Variants in ERBB4 observed in about 807,000 individuals in gnomAD.
The protein encoded by ERBB4 is erb-b2 receptor tyrosine kinase 4.
Under a neutral mutation model 158.0 loss-of-function variants are expected in ERBB4, and 42 were observed. That is an observed-to-expected ratio of 0.27 (90% CI 0.21 to 0.34). ERBB4 has a LOEUF of 0.34. ERBB4 is among the 10% of genes least tolerant of loss of function. The pLI, the probability that ERBB4 is intolerant of heterozygous loss-of-function variation, is 1.00. For missense variants in ERBB4, 1,333 were observed against 1,624.1 expected (o/e 0.82, Z 3.08); for synonymous variants, 583 against 558.7 (o/e 1.04, Z -0.61).
chr2:211,442,574 C>T, intron 20 of ERBB4, among the ~76,000 whole-genome samples: 1 of 151,962 alleles, frequency 6.6e-6, no homozygotes, highest in East Asian at 1.9e-4. Flanking sequence ...CCAATGCTAA[C>T]AGTTTCATGT....
intron 20 of ERBB4, among the ~76,000 whole-genome samples, chr2:211,498,597 A>C (rs770925308): frequency 6.6e-6 from 1 of 152,068 alleles, no homozygotes; most frequent in Non-Finnish European, 1.5e-5. Flanking sequence ...CCATTTTTTC[A>C]AACATCATAA....
chr2:211,969,893 T>G (rs918631711), intron 2 of ERBB4, among the ~76,000 whole-genome samples: 1 of 152,108 alleles, frequency 6.6e-6, no homozygotes, highest in Non-Finnish European at 1.5e-5. Flanking sequence ...CTCCTCCAGT[T>G]CAGTTCTGAT....
At chr2:211,748,565 G>C (rs2075039367) in intron 5 of ERBB4, among the ~76,000 whole-genome samples, 2 of 152,182 alleles carry the variant, frequency 1.3e-5, no homozygotes, top group African/African-American at 4.8e-5. Flanking sequence ...TCCTCCCTCA[G>C]ATCTATGGTG....
intron 1 of ERBB4, among the ~76,000 whole-genome samples, chr2:212,126,416 T>C (rs2125575377): frequency 7.5e-6 from 1 of 132,746 alleles, no homozygotes; most frequent in South Asian, 2.4e-4. Context: ...GCCAAGATCA[T>C]GCCACTGCAC....
intron 1 of ERBB4, among the ~76,000 whole-genome samples, chr2:212,364,899 CTGTGTGTGTGTGTGAGTGTGTGTGTG>C (rs1033361873): frequency 9.7e-5 from 13 of 134,588 alleles, no homozygotes; most frequent in Non-Finnish European, 1.8e-4. Flanking sequence ...GTGTGTGCGT[CTGTGTGTGTGTGTGAGTGTGTGTGTG>C]TGTGTGTGTG....
At chr2:212,368,874 C>CTACT (rs1560131143) in intron 1 of ERBB4, among the ~76,000 whole-genome samples, 1 of 152,098 alleles carries the variant, frequency 6.6e-6, no homozygotes, top group African/African-American at 2.4e-5. Flanking sequence ...CTATTAATAG[C>CTACT]ACCGTAGGTC....
chr2:211,712,098 C>G lies in ERBB4; in HGVS notation c.1076G>C (p.Cys359Ser). 6.2e-7 allele frequency: 1 copy of G among 1,611,860 alleles called. No individual in the cohort carries two copies. The highest frequency in any genetic ancestry group is 1.1e-5 in the South Asian group (1 of 91,034). Residue 359 changes from cysteine (C) to serine (S), a missense_variant, in exon 9 of 28, where the codon TGT (cysteine) becomes TCT (serine). By Grantham distance (112) the Cys-to-Ser change is moderately radical. Transcript: ENST00000342788. The part of the protein sequence containing the change: ...DSSNIDKFIN[C>S]TKINGNLIFL... ...GATCAAATTCCCATTGATCTTGGTA[C>G]AGTTTATGAATTTGTCAATGTTACT...
intron 2 of ERBB4, among the ~76,000 whole-genome samples, chr2:212,017,505 G>T (rs1041692862): frequency 2.6e-5 from 4 of 152,112 alleles, no homozygotes. Context: ...CTTATTCAGA[G>T]ACACTATGCA....
chr2:212,502,651 G>A (rs1290096130), intron 1 of ERBB4, among the ~76,000 whole-genome samples: 1 of 152,156 alleles, frequency 6.6e-6, no homozygotes, highest in African/African-American at 2.4e-5. Flanking sequence ...TTCTCTTAGA[G>A]TTGGGTATGT....
chr2:212,120,047 G>C (rs2079699557), intron 2 of ERBB4, among the ~76,000 whole-genome samples: 1 of 152,116 alleles, frequency 6.6e-6, no homozygotes, highest in Admixed American at 6.5e-5. Context: ...AGTTGCAAGA[G>C]TAGAGGTGGA....
At chr2:212,153,833 T>C (rs1373881686) in intron 1 of ERBB4, among the ~76,000 whole-genome samples, 1 of 152,178 alleles carries the variant, frequency 6.6e-6, no homozygotes, top group Non-Finnish European at 1.5e-5. Flanking sequence ...ATGTTATATA[T>C]GAAACCTCAC....
chr2:212,210,651 C>T (rs2082906566), intron 1 of ERBB4, among the ~76,000 whole-genome samples: 1 of 152,018 alleles, frequency 6.6e-6, no homozygotes, highest in Non-Finnish European at 1.5e-5. Flanking sequence ...ATTTTGGTGT[C>T]ATTTTGATGC....
At chr2:211,639,494 A>G (rs1257105580) in intron 16 of ERBB4, among the ~76,000 whole-genome samples, 1 of 152,216 alleles carries the variant, frequency 6.6e-6, no homozygotes, top group East Asian at 1.9e-4. Context: ...GGGATAAATC[A>G]TGGCTGGCAC....
chr2:211,966,675 G>T (rs2081319590), intron 2 of ERBB4, among the ~76,000 whole-genome samples: 1 of 152,062 alleles, frequency 6.6e-6, no homozygotes, highest in South Asian at 2.1e-4. Flanking sequence ...TTATTTTTAA[G>T]TCTATATATT....
intron 2 of ERBB4, among the ~76,000 whole-genome samples, chr2:212,068,296 C>T (rs1040468011): frequency 6.6e-6 from 1 of 151,984 alleles, no homozygotes; most frequent in Non-Finnish European, 1.5e-5. Context: ...TACTGATGCT[C>T]TAAGTGCTGG....
intron 1 of ERBB4, among the ~76,000 whole-genome samples, chr2:212,211,767 C>T (rs2082943056): frequency 6.6e-6 from 1 of 151,946 alleles, no homozygotes; most frequent in South Asian, 2.1e-4. Flanking sequence ...TGTATTGTTC[C>T]CCCTCTCTGT....
intron 16 of ERBB4, among the ~76,000 whole-genome samples, chr2:211,638,787 T>C (rs990029534): frequency 1.3e-5 from 2 of 152,196 alleles, no homozygotes; most frequent in African/African-American, 4.8e-5. Flanking sequence ...GATCCTTTTA[T>C]ATCTAGATCA....
intron 1 of ERBB4, among the ~76,000 whole-genome samples, chr2:212,412,543 C>T (rs2091528514): frequency 6.6e-6 from 1 of 152,170 alleles, no homozygotes; most frequent in South Asian, 2.1e-4. Flanking sequence ...GATGCCAGTG[C>T]TATGCTTATA....
intron 1 of ERBB4, among the ~76,000 whole-genome samples, chr2:212,208,609 A>C (rs2105920849): frequency 6.6e-6 from 1 of 152,300 alleles, no homozygotes; most frequent in Non-Finnish European, 1.5e-5. Context: ...ATGGATTTAA[A>C]GTGAAGATCT....
Sources: allele counts gnomAD v4.1 joint callset (sites outside exome capture counted in the v4.1 genomes callset), GRCh38; gene constraint gnomAD v4.1.1; transcripts MANE v1.5; gene names NCBI Gene and HGNC (gene_info 2026-07-23, HGNC 2026-07-21).